The following SLC25A41 variants were observed in gnomAD, a reference collection of about 807,000 sequenced individuals.
SLC25A41 encodes solute carrier family 25 member 41, also known as mitochondrial carrier protein SCaMC-3L.
SLC25A41 carries 35 observed loss-of-function variants against 34.7 expected under a neutral mutation model. The observed-to-expected ratio is 1.01, with a 90% CI of 0.77 to 1.34. The LOEUF is 1.34. Among genes scored for constraint, SLC25A41 ranks in the 40% most tolerant of loss-of-function variants. The pLI is 0.00. For synonymous variants in SLC25A41, 190 were observed against 209.9 expected (o/e 0.91, Z 0.82); for missense variants, 492 against 489.8 (o/e 1.00, Z -0.04).
chr19:6,432,318 AT>A (rs374854148), intron 1 of SLC25A41, 114 bp from the exon 2 acceptor site: 12,124 of 960,162 alleles, frequency 0.013, 7 homozygotes, highest in East Asian at 0.034. Flanking sequence ...CCAAGTCTGC[AT>A]TTTTTTTTTT....
At position 6,426,313 on chromosome 19, in the gene SLC25A41, G is replaced by T; in HGVS notation, c.*76C>A. On this transcript the variant is annotated 3_prime_UTR_variant, in exon 7 of 7. Coordinates refer to ENST00000321510, the MANE Select transcript of SLC25A41 (RefSeq NM_173637.4). ...CCCAGGGCCTGAACCTTGAGGCCTCGAGGGCTCTTTGGGGCCAGGGGTCAT... is the reference window on the plus strand; with the variant it reads ...CCCAGGGCCTGAACCTTGAGGCCTCTAGGGCTCTTTGGGGCCAGGGGTCAT... 1 of 1,378,240 alleles carries T rather than the reference G, an allele frequency of 7.3e-7. No homozygotes were observed. The highest frequency in any genetic ancestry group is 9.7e-7 in the Non-Finnish European group (1 of 1,033,748). The allele number at this position is 1,378,240 out of a possible 1,614,324, so 85.4% of individuals were successfully genotyped here.
chr19:6,427,300 G>A lies in SLC25A41; in HGVS notation c.792+34C>T. ...AAGCTCACTAGGAGCCTGGGCTCCGGCCAGCCCTGCCACCCCCTCTGCAGG... is the reference window on the plus strand; with the variant it reads ...AAGCTCACTAGGAGCCTGGGCTCCGACCAGCCCTGCCACCCCCTCTGCAGG... On this transcript the variant is annotated intron_variant, in intron 5 of 6. Transcript: ENST00000321510. The surrounding 1 kb of genome is among the most constrained non-coding windows in gnomAD (Gnocchi z 4.9). The A allele has an allele frequency of 6.2e-7, 1 of 1,606,066 alleles. No individual in the cohort carries two copies. Among genetic ancestry groups the A allele is most frequent in the South Asian group, 1.1e-5 (1 of 90,652 alleles).
chr19:6,432,105 C>G lies in SLC25A41; in HGVS notation c.307G>C (p.Gly103Arg). The G allele has an allele frequency of 6.2e-7, 1 of 1,613,928 alleles. No individual in the cohort carries two copies. The highest frequency in any genetic ancestry group is 8.5e-7 in the Non-Finnish European group (1 of 1,179,866). The change falls in exon 2 of 7, where the codon GGG (glycine) becomes CGG (arginine). Residue 103 changes from glycine to arginine, a missense_variant. Physicochemically the swap from Gly to Arg is moderately radical, Grantham distance 125. Transcript: ENST00000321510. ...GCCGTGCCCGTGCGAGACACCGCCC[C>G]GGCCATAGCTCCTGAGAGTAGAAAC... ...WKFLLSGAMA[G>R]AVSRTGTAPL...
At chr19:6,426,858 G>A (rs1239311839) in intron 6 of SLC25A41, among the ~76,000 whole-genome samples, 1 of 152,086 alleles carries the variant, frequency 6.6e-6, no homozygotes, top group Non-Finnish European at 1.5e-5. Flanking sequence ...CTGCAGCCTC[G>A]ACCTCCAGAA....
chr19:6,431,485 G>C (rs1019033357), intron 2 of SLC25A41, among the ~76,000 whole-genome samples: 3 of 151,568 alleles, frequency 2.0e-5, no homozygotes, highest in Non-Finnish European at 4.4e-5. Flanking sequence ...TGTTGCCCAG[G>C]CTGGAGTGCA....
At chr19:6,433,764 G>T, upstream of SLC25A41, 1 of 1,278,830 alleles carries the variant, frequency 7.8e-7, no homozygotes, top group Non-Finnish European at 1.1e-6. Context: ...ATGCGGGAGT[G>T]TCTAGTGGGA....
chr19:6,429,683 T>A, intron 4 of SLC25A41, 41 bp downstream of exon 4: 1 of 1,465,156 alleles, frequency 6.8e-7, no homozygotes, highest in Non-Finnish European at 9.2e-7. Flanking sequence ...GTAACTAGTT[T>A]CCACGGCGTT....
chr19:6,430,487 T>G, intron 2 of SLC25A41: 1 of 465,952 alleles, frequency 2.1e-6, no homozygotes. Context: ...GTTCCTCCCT[T>G]CCTTCTTTTT....
chr19:6,430,923 C>T (rs575017536), intron 2 of SLC25A41, among the ~76,000 whole-genome samples: 1 of 152,162 alleles, frequency 6.6e-6, no homozygotes, highest in African/African-American at 2.4e-5. Context: ...AAGTGATCCT[C>T]CCACCTCAGC....
rs368679359 is a variant in SLC25A41, at chr19:6,429,796, C to G, written c.552G>C (p.Pro184=). ...KNYFCGIQGS[P]PFQERLLAGS... is the part of the protein sequence containing the mutation. ...CAGCAAGGAGACGCTCCTGGAAGGG[C>G]GGGGACCCTTGTATTCCACAGAAGT... is the stretch of plus-strand genomic sequence containing the variant. Residue 184 remains proline, a synonymous_variant, in exon 4 of 7, where the codon CCG becomes CCC. Transcript: ENST00000321510. 6.2e-7 allele frequency: 1 copy of G among 1,611,154 alleles called. No homozygotes were observed. The highest frequency in any genetic ancestry group is 8.5e-7 in the Non-Finnish European group (1 of 1,178,888).
rs61730225 is a variant in SLC25A41, at chr19:6,430,126, C to A, written c.399G>T (p.Leu133=). ...YSSKTNFTNL[L]GGLQSMVQEG... is the part of the protein sequence containing the mutation. ...CCTGGACCATGCTCTGTAGCCCCCC[C>A]AGCAGGTTGGTGAAGTTCGTCTTGG... The change falls in exon 3 of 7, where the codon CTG becomes CTT. Residue 133 remains leucine (L), a synonymous_variant. Transcript: ENST00000321510. 7 of 1,613,140 alleles carry A rather than the reference C, an allele frequency of 4.3e-6. No individual in the cohort carries two copies. The highest frequency in any genetic ancestry group is 3.4e-6 in the Non-Finnish European group (4 of 1,179,506).
rs750523021 is a variant in SLC25A41 at position 6,432,195 on chromosome 19, T to A, written c.217A>T (p.Thr73Ser). Reference protein sequence around the residue: ...EHLPSQQVLDTGEQLMVPVEV... With the variant: ...EHLPSQQVLDSGEQLMVPVEV... ...ACGGGGACCATCAGCTGCTCTCCTG[T>A]GTCCAGTACCTGCAGGGCAGACCCG... The change falls in exon 2 of 7, where the codon ACA becomes TCA. Residue 73 changes from threonine (T) to serine (S), a missense_variant. Physicochemically the swap from Thr to Ser is moderately conservative, Grantham distance 58 (BLOSUM62 1). Transcript: ENST00000321510. 9.9e-6 allele frequency: 16 copies of A among 1,613,550 alleles called. No homozygotes were observed. In the East Asian group the frequency reaches 3.6e-4, roughly 36 times the overall value.
chr19:6,431,042 T>G (rs1424713502), intron 2 of SLC25A41, among the ~76,000 whole-genome samples: 2 of 151,628 alleles, frequency 1.3e-5, no homozygotes, highest in East Asian at 3.9e-4. Context: ...TCTCAAACTC[T>G]TGGGCTCAAG....
chr19:6,433,580 T>TGGAGGCGGAGGTTGGGGG lies in SLC25A41; in HGVS notation c.96_113dup (p.Gln34_Pro39dup). On this transcript the variant is annotated inframe_insertion, in exon 1 of 7. Coordinates refer to ENST00000321510, the MANE Select transcript of SLC25A41 (RefSeq NM_173637.4). ...TACAGCCAGGGTTCCAGGATGGGGGTGGAGGCGGAGGTTGGGGGGGAGGCG... is the reference window on the plus strand; with the variant it reads ...TACAGCCAGGGTTCCAGGATGGGGGTGGAGGCGGAGGTTGGGGGGGAGGCGGAGGTTGGGGGGGAGGCG... 1 of 1,478,706 alleles carries TGGAGGCGGAGGTTGGGGG rather than the reference T, an allele frequency of 6.8e-7. No homozygotes were observed. Among genetic ancestry groups the TGGAGGCGGAGGTTGGGGG allele is most frequent in the Non-Finnish European group, 9.1e-7 (1 of 1,099,626 alleles). The allele number at this position is 1,478,706 out of a possible 1,614,324, so 91.6% of individuals were successfully genotyped here.
intron 1 of SLC25A41, among the ~76,000 whole-genome samples, chr19:6,433,241 G>A (rs981566876): frequency 6.6e-6 from 1 of 151,840 alleles, no homozygotes; most frequent in African/African-American, 2.4e-5. Context: ...TAGAGATAGG[G>A]TTTCGGCATG....
At position 6,427,316 on chromosome 19, in the gene SLC25A41, C is replaced by T. The variant is rs577207927; in HGVS notation, c.792+18G>A. On this transcript the variant is annotated intron_variant, in intron 5 of 6. Coordinates refer to ENST00000321510, the MANE Select transcript of SLC25A41 (RefSeq NM_173637.4). The surrounding 1 kb of genome is among the most constrained non-coding windows in gnomAD (Gnocchi z 4.9). ...TGGGCTCCGGCCAGCCCTGCCACCCCCTCTGCAGGACCCATACCTCATAGA... is the reference window on the plus strand; with the variant it reads ...TGGGCTCCGGCCAGCCCTGCCACCCTCTCTGCAGGACCCATACCTCATAGA... 6.2e-6 allele frequency: 10 copies of T among 1,605,444 alleles called. No homozygotes were observed. Among genetic ancestry groups the T allele is most frequent in the African/African-American group, 1.3e-5 (1 of 74,816 alleles).
Position 6,433,681 on chromosome 19 carries a change from G to C in SLC25A41, c.13C>G (p.Pro5Ala). 1.3e-6 allele frequency: 2 copies of C among 1,563,492 alleles called. No homozygotes were observed. The change falls in exon 1 of 7, where the codon CCT becomes GCT. Residue 5 changes from proline (P) to alanine (A), a missense_variant. By Grantham distance (27) the Pro-to-Ala change is conservative. Coordinates refer to ENST00000321510, the MANE Select transcript of SLC25A41 (RefSeq NM_173637.4). ...GAGCAAGTGTTCTGAGGTTCCCCAG[G>C]CTGAGCGCCCATGGAGGAAGTTAGG... MGAQ[P>A]GEPQNTCSRI... is the part of the protein sequence containing the mutation.
intron 2 of SLC25A41, chr19:6,430,582 G>C (rs960036523): frequency 1.7e-4 from 62 of 358,830 alleles, no homozygotes; most frequent in Admixed American, 1.6e-3. Context: ...CCGCCTCCCA[G>C]GTTCAGGCGA....
At position 6,426,264 on chromosome 19, in the gene SLC25A41, CCTG is replaced by C; in HGVS notation, c.*122_*124del. 11 of 414,892 alleles carry C rather than the reference CCTG, an allele frequency of 2.7e-5. No homozygotes were observed. Among genetic ancestry groups the C allele is most frequent in the East Asian group, 1.2e-4 (1 of 8,324 alleles). 25.7% of individuals were successfully genotyped at this position (414,892 alleles called of 1,614,324 possible). A position where few individuals can be genotyped will look rare whatever the true frequency, so the allele number is the denominator to read the frequency against. On this transcript the variant is annotated 3_prime_UTR_variant, in exon 7 of 7. Coordinates refer to ENST00000321510, the MANE Select transcript of SLC25A41 (RefSeq NM_173637.4). ...CCCAGAGCCCCACCCCCACCCCCAG[CCTG>C]CTTTTGCCACCAAAAACTGCCCCAG...
Sources: gnomAD v4.1 joint callset for allele counts (sites outside exome capture counted in the v4.1 genomes callset) on GRCh38, gnomAD v4.1.1 for gene constraint, Gnocchi (gnomAD v3.1) non-coding constraint, MANE v1.5 for transcripts, NCBI Gene and HGNC (gene_info 2026-07-23, HGNC 2026-07-21) for gene names.